Variants in NCOR2 observed in about 807,000 individuals in gnomAD.
NCOR2 encodes the protein nuclear receptor corepressor 2, also known as CTG repeat protein 26.
Under a neutral mutation model 262.9 loss-of-function variants are expected in NCOR2, and 81 were observed. The observed-to-expected ratio is 0.31, with a 90% confidence interval of 0.26 to 0.37. NCOR2 has a LOEUF of 0.37. Among genes scored for constraint, NCOR2 ranks in the 10% least tolerant of loss-of-function variants. The pLI, the probability that NCOR2 is intolerant of heterozygous loss-of-function variation, is 1.00. For missense variants in NCOR2, 3,385 were observed against 3,621.4 expected (o/e 0.93, Z 1.68); for synonymous variants, 1,659 against 1,559.3 (o/e 1.06, Z -1.51).
At chr12:124,354,578 G>C (rs2037790468) in exon 26 of NCOR2, 2 of 1,575,364 alleles carry the variant, frequency 1.3e-6, no homozygotes, top group Non-Finnish European at 1.7e-6. Context: ...CTCCGCTGAA[G>C]GGTGCTGAGG....
intron 37 of NCOR2, among the ~76,000 whole-genome samples, chr12:124,337,856 C>T (rs930959901): frequency 1.3e-5 from 2 of 152,268 alleles, no homozygotes; most frequent in African/African-American, 2.4e-5. Context: ...CGGAGCCCTG[C>T]GTTTCCATGG....
intron 8 of NCOR2, 151 bp downstream of exon 10, chr12:124,437,779 C>T (rs1702322): frequency 0.73 from 315,792 of 433,256 alleles, 118,415 homozygotes; most frequent in Non-Finnish European, 0.79. Flanking sequence ...TTCCTCCTTT[C>T]CTGGCCGGCC....
At chr12:124,486,648 C>G in intron 1 of NCOR2, 80 bp from the exon 4 acceptor site, 1 of 1,467,392 alleles carries the variant, frequency 6.8e-7, no homozygotes, top group Non-Finnish European at 9.0e-7. Flanking sequence ...TGGGCAAGGC[C>G]GTGGACTCCC....
At chr12:124,396,976 A>G (rs985357224) in intron 16 of NCOR2, among the ~76,000 whole-genome samples, 1 of 152,204 alleles carries the variant, frequency 6.6e-6, no homozygotes, top group African/African-American at 2.4e-5. Context: ...CAGCAGGGCC[A>G]CGGGACCAAG....
chr12:124,479,747 A>G (rs2047338439), intron 3 of NCOR2, among the ~76,000 whole-genome samples: 1 of 152,270 alleles, frequency 6.6e-6, no homozygotes, highest in Non-Finnish European at 1.5e-5. Flanking sequence ...CTAATGGGGG[A>G]TGCCAGGCAG....
intron 7 of NCOR2, among the ~76,000 whole-genome samples, chr12:124,439,422 G>C (rs7298515): frequency 3.2e-4 from 3 of 9,380 alleles, no homozygotes; most frequent in Non-Finnish European, 6.1e-4. Context: ...CCCAGAGAGA[G>C]AGAGAGAGAG....
chr12:124,374,414 T>C (rs777495833), exon 19 of NCOR2: 2 of 1,612,810 alleles, frequency 1.2e-6, no homozygotes, highest in Non-Finnish European at 1.7e-6. Flanking sequence ...CATTCGTACC[T>C]GGGCCACTGC....
chr12:124,370,132 C>A (rs929166895), intron 20 of NCOR2, among the ~76,000 whole-genome samples: 5 of 152,234 alleles, frequency 3.3e-5, no homozygotes, highest in Non-Finnish European at 7.3e-5. Context: ...ATGGCCCTGG[C>A]TGCCTGCCTC....
At chr12:124,392,062 G>A (rs968059744) in intron 16 of NCOR2, among the ~76,000 whole-genome samples, 1 of 152,342 alleles carries the variant, frequency 6.6e-6, no homozygotes, top group African/African-American at 2.4e-5. Context: ...ACACGCGTGT[G>A]GAGGGCCTGC....
chr12:124,353,801 G>A (rs181243900), intron 27 of NCOR2, among the ~76,000 whole-genome samples: 101 of 152,332 alleles, frequency 6.6e-4, no homozygotes, highest in South Asian at 3.5e-3. Context: ...TCTCAGCCGC[G>A]GTACGCTCAC....
intron 1 of NCOR2, among the ~76,000 whole-genome samples, chr12:124,490,796 G>A (rs912097890): frequency 8.5e-5 from 13 of 152,252 alleles, no homozygotes; most frequent in Admixed American, 2.6e-4. Flanking sequence ...CAACTGCAAC[G>A]AAGTGGGCAC....
chr12:124,522,423 G>C (rs535990312), intron 1 of NCOR2, among the ~76,000 whole-genome samples: 1 of 152,238 alleles, frequency 6.6e-6, no homozygotes, highest in East Asian at 1.9e-4. Context: ...GACTCTGCAG[G>C]GGGAGCCTTC....
intron 3 of NCOR2, among the ~76,000 whole-genome samples, chr12:124,475,735 G>A (rs1270124558): frequency 6.6e-6 from 1 of 152,214 alleles, no homozygotes; most frequent in Non-Finnish European, 1.5e-5. Flanking sequence ...GTGGGAAGTG[G>A]GATTTCTGTT....
Position 124,503,360 on chromosome 12 carries a change from G to A in NCOR2, c.-117-7992C>T, listed in dbSNP as rs2048847113. On this transcript the variant is annotated intron_variant, in intron 1 of 46. Coordinates refer to the NCOR2 transcript ENST00000404621. This position sits in a 1 kb window ranked among gnomAD's most constrained non-coding sequence, Gnocchi z 4.3. Reference sequence around the variant, plus strand: ...TGGATGGAGGGAGAAGATGGAAGAGGGATAGAGATGGGAGGATGGAGGAGA... The same window carrying A: ...TGGATGGAGGGAGAAGATGGAAGAGAGATAGAGATGGGAGGATGGAGGAGA... Among the ~76,000 whole-genome samples the A allele has an allele frequency of 2.6e-5, 4 of 152,204 alleles. No individual in the cohort carries two copies. Among genetic ancestry groups the A allele is most frequent in the Admixed American group, 6.5e-5 (1 of 15,272 alleles).
intron 8 of NCOR2, among the ~76,000 whole-genome samples, chr12:124,435,089 G>A (rs560431756): frequency 1.3e-5 from 2 of 152,314 alleles, no homozygotes; most frequent in South Asian, 4.1e-4. Context: ...TCCCAAGCTG[G>A]TTCCTGCCTC....
chr12:124,400,253 C>A (rs183515433), intron 15 of NCOR2, among the ~76,000 whole-genome samples: 343 of 152,224 alleles, frequency 2.3e-3, no homozygotes, highest in African/African-American at 7.7e-3. Flanking sequence ...ACTGTCCCCC[C>A]ACGTTAGAGG....
At chr12:124,473,210 T>A (rs905934922) in intron 3 of NCOR2, 79 bp from the exon 6 acceptor site, 1 of 1,513,398 alleles carries the variant, frequency 6.6e-7, no homozygotes, top group African/African-American at 1.4e-5. Flanking sequence ...TGGTTAATAC[T>A]GTCAACCTGA....
At chr12:124,551,677 A>T (rs2137260603) in intron 1 of NCOR2, among the ~76,000 whole-genome samples, 1 of 152,270 alleles carries the variant, frequency 6.6e-6, no homozygotes, top group East Asian at 1.9e-4. Flanking sequence ...TGGGACCTGG[A>T]GTCTCTTCCA....
intron 2 of NCOR2, among the ~76,000 whole-genome samples, chr12:124,484,137 G>A (rs565143905): frequency 2.0e-5 from 3 of 152,294 alleles, no homozygotes; most frequent in East Asian, 1.9e-4. Context: ...AGTCAGACTC[G>A]GCATTTTAAC....
Sources: gnomAD v4.1 joint callset for allele counts (sites outside exome capture counted in the v4.1 genomes callset) on GRCh38, gnomAD v4.1.1 for gene constraint, Gnocchi (gnomAD v3.1) non-coding constraint, MANE v1.5 for transcripts, NCBI Gene and HGNC (gene_info 2026-07-23, HGNC 2026-07-21) for gene names.